ERCC6: variants seen among roughly 807,000 people sequenced by gnomAD.
The protein encoded by ERCC6 is ERCC excision repair 6, chromatin remodeling factor.
A neutral mutation model predicts 158.7 loss-of-function variants in ERCC6; 116 were observed. That is an observed-to-expected ratio of 0.73 (90% confidence interval 0.63 to 0.85). ERCC6 has a LOEUF of 0.85. Among genes scored for constraint, ERCC6 ranks in the 40% least tolerant of loss-of-function variants. ERCC6 has a pLI of 0.00. For synonymous variants in ERCC6, 678 were observed against 659.3 expected (o/e 1.03, Z -0.43); for missense variants, 1,698 against 1,799.4 (o/e 0.94, Z 1.02).
intron 18 of ERCC6, among the ~76,000 whole-genome samples, chr10:49,467,316 G>C (rs1297190119): frequency 6.6e-6 from 1 of 152,190 alleles, no homozygotes. Context: ...CAAAGTGATT[G>C]TGCCATTTTA....
chr10:49,486,514 A>C (rs1295359562), intron 8 of ERCC6, among the ~76,000 whole-genome samples: 2 of 152,256 alleles, frequency 1.3e-5, no homozygotes, highest in Non-Finnish European at 2.9e-5. Context: ...TAAACCAAAC[A>C]AACCTCTGAA....
At chr10:49,512,728 TTA>T (rs1304948225) in intron 5 of ERCC6, among the ~76,000 whole-genome samples, 1 of 152,232 alleles carries the variant, frequency 6.6e-6, no homozygotes, top group Non-Finnish European at 1.5e-5. Context: ...ACGAATTCAT[TTA>T]TGTTTCATAT....
At chr10:49,438,881 A>G in the ERCC6 span, among the ~76,000 whole-genome samples, 1 of 152,214 alleles carries the variant, frequency 6.6e-6, no homozygotes. Flanking sequence ...CAAATTTTAA[A>G]GCTCCAAAAC....
rs755673576 is a variant in ERCC6, at chr10:49,500,531, C to G, written c.1685+7G>C. The G allele has an allele frequency of 6.2e-7, 1 of 1,613,642 alleles. No homozygotes were observed. Among genetic ancestry groups the G allele is most frequent in the Non-Finnish European group, 8.5e-7 (1 of 1,179,724 alleles). The stretch of plus-strand genomic sequence containing the variant: ...CACAGACTGACAGTCTGCAGAGGAG[C>G]ACTTGCCTGTAATTTGAACCACGAG... On this transcript the variant is annotated splice_region_variant and intron_variant, in intron 7 of 20. Coordinates refer to ENST00000355832, the MANE Select transcript of ERCC6 (RefSeq NM_000124.4).
Position 49,470,844 on chromosome 10 carries a change from C to A in ERCC6, c.3116G>T (p.Arg1039Met). Residue 1039 changes from arginine to methionine, a missense_variant, in exon 18 of 21, where the codon AGG becomes ATG. Arg to Met is a moderately conservative substitution (Grantham distance 91). Coordinates refer to ENST00000355832, the MANE Select transcript of ERCC6 (RefSeq NM_000124.4). ...GTCTGCTCCAAAGGCTGGTTGAATC[C>A]TTCTTTTTAGATGGCATTTGGGTGT... The part of the protein sequence containing the change: ...VQTPKCHLKR[R>M]IQPAFGADHD... The A allele has an allele frequency of 6.2e-7, 1 of 1,614,086 alleles. No individual in the cohort carries two copies. Among genetic ancestry groups the A allele is most frequent in the Non-Finnish European group, 8.5e-7 (1 of 1,179,994 alleles).
chr10:49,447,019 G>A, the ERCC6 span, among the ~76,000 whole-genome samples: 1 of 152,136 alleles, frequency 6.6e-6, no homozygotes. Flanking sequence ...TCTGAGGACT[G>A]AACCAGAAGG....
chr10:49,537,260 C>T (rs559649604), intron 1 of ERCC6, among the ~76,000 whole-genome samples: 1 of 150,460 alleles, frequency 6.6e-6, no homozygotes, highest in Non-Finnish European at 1.5e-5. Flanking sequence ...AGGAGAATCG[C>T]TTGAACCCAG....
chr10:49,454,121 T>A (rs1850450897), downstream of ERCC6, among the ~76,000 whole-genome samples: 1 of 130,918 alleles, frequency 7.6e-6, no homozygotes, highest in African/African-American at 2.6e-5. Context: ...TTCTCTGAGG[T>A]TTTGCTCATT....
At chr10:49,538,303 G>A (rs889691359) in intron 1 of ERCC6, among the ~76,000 whole-genome samples, 5 of 152,184 alleles carry the variant, frequency 3.3e-5, no homozygotes, top group East Asian at 1.9e-4. Context: ...GGGAAAACAC[G>A]AGCATGGATT....
chr10:49,500,034 T>C (rs1851331110), intron 7 of ERCC6, among the ~76,000 whole-genome samples: 1 of 152,200 alleles, frequency 6.6e-6, no homozygotes, highest in Admixed American at 6.5e-5. Flanking sequence ...ACACTCATTA[T>C]AAAGGAAATT....
intron 5 of ERCC6, among the ~76,000 whole-genome samples, chr10:49,521,084 A>G (rs1170796265): frequency 6.6e-6 from 1 of 152,186 alleles, no homozygotes; most frequent in Non-Finnish European, 1.5e-5. Flanking sequence ...GCCCAAGTCT[A>G]TTAACAGACT....
In ERCC6 at chr10:49,532,860, A is replaced by G. The variant is rs2132639770; in HGVS notation, c.105T>C (p.Ser35=). 2 of 1,613,984 alleles carry G rather than the reference A, an allele frequency of 1.2e-6. No homozygotes were observed. Among genetic ancestry groups the G allele is most frequent in the Non-Finnish European group, 1.7e-6 (2 of 1,179,988 alleles). The change falls in exon 2 of 21, where the codon AGT becomes AGC. Residue 35 remains serine (S), a synonymous_variant. Transcript: ENST00000355832. ...ACTCCTCCACCTCCCCATCACCACC[A>G]CTTTCTTGCTTGATTGCCATTTCTT... ...NNEEMAIKQE[S]GGDGEVEEYL... is the part of the protein sequence containing the mutation.
intron 16 of ERCC6, 103 bp downstream of exon 16, chr10:49,472,273 A>G: frequency 9.9e-7 from 1 of 1,012,534 alleles, no homozygotes; most frequent in Non-Finnish European, 1.6e-6. Flanking sequence ...TATAGCAACT[A>G]TTATTCTAAG....
At chr10:49,510,515 T>G (rs1232224959) in intron 5 of ERCC6, among the ~76,000 whole-genome samples, 2 of 152,092 alleles carry the variant, frequency 1.3e-5, no homozygotes, top group Non-Finnish European at 2.9e-5. Flanking sequence ...TGTCCTGTCT[T>G]CCAAGGGCCC....
At chr10:49,495,868 C>G (rs868533494) in intron 7 of ERCC6, among the ~76,000 whole-genome samples, 36 of 152,190 alleles carry the variant, frequency 2.4e-4, no homozygotes, top group South Asian at 8.3e-4. Context: ...TACTGCATCT[C>G]CGAGGATGAT....
chr10:49,536,028 A>C (rs1436859413), intron 1 of ERCC6, among the ~76,000 whole-genome samples: 2 of 152,228 alleles, frequency 1.3e-5, no homozygotes, highest in Non-Finnish European at 2.9e-5. Context: ...AGGCACGAGA[A>C]TCGCTTGAAC....
chr10:49,495,723 C>G (rs1851255866), intron 7 of ERCC6, among the ~76,000 whole-genome samples: 1 of 152,056 alleles, frequency 6.6e-6, no homozygotes. Context: ...CTTGAGCAGA[C>G]CTGCTTGCTC....
intron 1 of ERCC6, among the ~76,000 whole-genome samples, chr10:49,538,021 C>T (rs1837643213): frequency 6.6e-6 from 1 of 152,242 alleles, no homozygotes; most frequent in Non-Finnish European, 1.5e-5. Context: ...AGAGCTGATG[C>T]ACTTGTGAAA....
In ERCC6 at chr10:49,482,624, A is replaced by T. The variant is rs1400994920; in HGVS notation, c.2169+63T>A. On this transcript the variant is annotated intron_variant, in intron 10 of 20. Coordinates refer to ENST00000355832, the MANE Select transcript of ERCC6 (RefSeq NM_000124.4). ...TCTGAATGACTTGGCTACAAATTAT[A>T]GTATTTAATAGGAGCACTTTAAATA... 2.1e-6 allele frequency: 3 copies of T among 1,440,600 alleles called. 1 individual carries two copies. Among genetic ancestry groups the T allele is most frequent in the Admixed American group, 3.5e-5 (2 of 56,646 alleles). The allele number at this position is 1,440,600 out of a possible 1,614,324, so 89.2% of individuals were successfully genotyped here.
Sources: allele counts gnomAD v4.1 joint callset (sites outside exome capture counted in the v4.1 genomes callset), GRCh38; gene constraint gnomAD v4.1.1; transcripts MANE v1.5; gene names NCBI Gene and HGNC (gene_info 2026-07-23, HGNC 2026-07-21).